Variants in DOK5 observed in about 807,000 individuals in gnomAD.
DOK5 encodes the protein docking protein 5, also known as downstream of tyrosine kinase 5.
In DOK5, 27 loss-of-function variants were observed where a neutral mutation model predicts 43.3. The ratio of observed to expected loss-of-function variants is 0.62; its 90% confidence interval spans 0.46 to 0.86. The LOEUF is 0.86. DOK5 is among the 40% of genes least tolerant of loss of function. DOK5 has a pLI of 0.00. For missense variants in DOK5, 373 were observed against 392.9 expected (o/e 0.95, Z 0.43); for synonymous variants, 146 against 140.1 (o/e 1.04, Z -0.30).
chr20:54,632,867 A>G (rs1773690270), intron 6 of DOK5, among the ~76,000 whole-genome samples: 1 of 152,136 alleles, frequency 6.6e-6, no homozygotes. Context: ...ACCTGAGGTC[A>G]GGAGTTTGAG....
chr20:54,555,805 G>A (rs992807798), intron 2 of DOK5, among the ~76,000 whole-genome samples: 2 of 152,204 alleles, frequency 1.3e-5, no homozygotes. Flanking sequence ...TTTAATTTTG[G>A]CTTTCCATCT....
At chr20:54,630,320 A>G (rs139785624) in intron 6 of DOK5, among the ~76,000 whole-genome samples, 29 of 152,308 alleles carry the variant, frequency 1.9e-4, no homozygotes, top group African/African-American at 6.0e-4. Context: ...GAGATAGTCA[A>G]TCTCAAGATT....
At chr20:54,617,769 C>G (rs938434630) in intron 6 of DOK5, among the ~76,000 whole-genome samples, 2 of 152,208 alleles carry the variant, frequency 1.3e-5, no homozygotes, top group African/African-American at 2.4e-5. Flanking sequence ...ATAATATTTA[C>G]TTAGTGGTTT....
chr20:54,610,712 A>G (rs56294816), intron 6 of DOK5, among the ~76,000 whole-genome samples, 189 bp downstream of exon 6: 8,897 of 152,338 alleles, frequency 0.058, 301 homozygotes, highest in Middle Eastern at 0.095. Flanking sequence ...TACCTTGGCC[A>G]TACATCCCCA....
intron 1 of DOK5, among the ~76,000 whole-genome samples, chr20:54,481,335 A>G (rs1981712087): frequency 6.6e-6 from 1 of 151,900 alleles, no homozygotes; most frequent in Admixed American, 6.6e-5. Context: ...ATACCCAGCT[A>G]ATTTTTATAT....
intron 1 of DOK5, among the ~76,000 whole-genome samples, chr20:54,535,341 C>T (rs1337399455): frequency 3.3e-5 from 5 of 151,756 alleles, no homozygotes; most frequent in Admixed American, 3.3e-4. Flanking sequence ...CATTTCTCTT[C>T]CCTTCTTTGA....
intron 6 of DOK5, among the ~76,000 whole-genome samples, chr20:54,623,618 C>T (rs546174975): frequency 2.2e-4 from 33 of 151,978 alleles, no homozygotes; most frequent in Non-Finnish European, 3.8e-4. Flanking sequence ...GTCGCTCTGT[C>T]GCCCAGGCTG....
intron 2 of DOK5, among the ~76,000 whole-genome samples, chr20:54,578,110 C>G (rs555923185): frequency 6.6e-6 from 1 of 152,236 alleles, no homozygotes; most frequent in East Asian, 1.9e-4. Context: ...TCCAGGATCA[C>G]AAGTATACTT....
chr20:54,491,202 A>G (rs1982161176), intron 1 of DOK5, among the ~76,000 whole-genome samples: 1 of 152,240 alleles, frequency 6.6e-6, no homozygotes, highest in Admixed American at 6.5e-5. Context: ...AGTAACCACA[A>G]GCACTGAGCG....
intron 6 of DOK5, among the ~76,000 whole-genome samples, chr20:54,640,511 T>C (rs1979061033): frequency 6.6e-6 from 1 of 152,266 alleles, no homozygotes; most frequent in East Asian, 1.9e-4. Flanking sequence ...TGCATTGTTA[T>C]AAGGCTTTTC....
chr20:54,553,423 C>T (rs944890294), intron 1 of DOK5, among the ~76,000 whole-genome samples: 11 of 151,788 alleles, frequency 7.2e-5, no homozygotes, highest in Non-Finnish European at 1.6e-4. Context: ...TCTCGATCTC[C>T]TGACCTTGTG....
intron 2 of DOK5, among the ~76,000 whole-genome samples, chr20:54,580,264 T>C (rs945188331): frequency 1.3e-5 from 2 of 152,166 alleles, no homozygotes; most frequent in African/African-American, 4.8e-5. Context: ...GATAATTAGG[T>C]TATTTCCCTG....
At chr20:54,494,508 C>T (rs79157160) in intron 1 of DOK5, among the ~76,000 whole-genome samples, 3,362 of 152,184 alleles carry the variant, frequency 0.022, 110 homozygotes, top group African/African-American at 0.072. Context: ...TGGAGTGTGA[C>T]TCAGTGACAG....
At chr20:54,522,153 T>C (rs946624129) in intron 1 of DOK5, among the ~76,000 whole-genome samples, 2 of 152,138 alleles carry the variant, frequency 1.3e-5, no homozygotes, top group African/African-American at 4.8e-5. Flanking sequence ...TGGGCCACAT[T>C]GGAAGAATTG....
intron 1 of DOK5, among the ~76,000 whole-genome samples, chr20:54,500,586 A>C (rs1427895320): frequency 9.1e-6 from 1 of 110,236 alleles, no homozygotes; most frequent in Non-Finnish European, 1.8e-5. Flanking sequence ...TTTGAGATGG[A>C]GTTTCACTCT....
chr20:54,522,231 A>G (rs1227046991), intron 1 of DOK5, among the ~76,000 whole-genome samples: 1 of 152,070 alleles, frequency 6.6e-6, no homozygotes, highest in Admixed American at 6.5e-5. Context: ...AAGCACATAA[A>G]GATCTCATAA....
intron 2 of DOK5, among the ~76,000 whole-genome samples, chr20:54,565,546 C>T (rs1222716660): frequency 6.6e-6 from 1 of 152,222 alleles, no homozygotes. Flanking sequence ...GGGAGGATCA[C>T]TTGAGCCCAG....
chr20:54,552,317 T>A (rs1346870596), intron 1 of DOK5, among the ~76,000 whole-genome samples: 1 of 152,164 alleles, frequency 6.6e-6, no homozygotes, highest in East Asian at 1.9e-4. Flanking sequence ...TAACATATTA[T>A]GAACACTTTT....
chr20:54,613,933 G>A (rs1257156391), intron 6 of DOK5, among the ~76,000 whole-genome samples: 1 of 151,756 alleles, frequency 6.6e-6, no homozygotes, highest in Admixed American at 6.6e-5. Flanking sequence ...ATTCAAGGCA[G>A]CAGTGAGCTA....
Sources: gnomAD v4.1 joint callset for allele counts (sites outside exome capture counted in the v4.1 genomes callset) on GRCh38, gnomAD v4.1.1 for gene constraint, MANE v1.5 for transcripts, NCBI Gene and HGNC (gene_info 2026-07-23, HGNC 2026-07-21) for gene names.